The following CRHR1 variants were observed in gnomAD, a reference collection of about 807,000 sequenced individuals.
CRHR1 encodes corticotropin releasing hormone receptor 1.
CRHR1 carries 28 observed loss-of-function variants against 56.0 expected under a neutral mutation model. The observed-to-expected ratio is 0.50, with a 90% CI of 0.37 to 0.69. CRHR1 has a LOEUF of 0.69. CRHR1 is among the 30% of genes least tolerant of loss of function. CRHR1 has a pLI of 0.00. For missense variants in CRHR1, 376 were observed against 548.0 expected (o/e 0.69, Z 3.13); for synonymous variants, 195 against 216.5 (o/e 0.90, Z 0.87).
chr17:45,821,461 G>A (rs746955250), intron 4 of CRHR1, 21 bp downstream of exon 4: 1 of 1,608,382 alleles, frequency 6.2e-7, no homozygotes. Context: ...GCCGAACAAG[G>A]CTGCCCATAT....
In CRHR1 at chr17:45,821,336, C is replaced by T; in HGVS notation, c.242-19C>T. The T allele has an allele frequency of 1.2e-6, 2 of 1,612,356 alleles. No individual in the cohort carries two copies. The highest frequency in any genetic ancestry group is 1.7e-6 in the Non-Finnish European group (2 of 1,179,308). ...GCCGGGGCTGCCCCGCCATCACTGC[C>T]TCTCTCTTCCTTTTCCAGACAATGG... On this transcript the variant is annotated intron_variant, in intron 3 of 12. Transcript: ENST00000314537.
At chr17:45,801,470 C>A (rs900197416) in intron 1 of CRHR1, among the ~76,000 whole-genome samples, 7 of 152,188 alleles carry the variant, frequency 4.6e-5, no homozygotes, top group African/African-American at 1.7e-4. Flanking sequence ...TTACGCGATG[C>A]TATAATTGAG....
intron 8 of CRHR1, among the ~76,000 whole-genome samples, chr17:45,832,067 A>C (rs2062323974): frequency 1.3e-5 from 2 of 150,838 alleles, no homozygotes; most frequent in African/African-American, 4.8e-5. Context: ...CTAAAAAAAA[A>C]ACAAAAAAAC....
intron 4 of CRHR1, among the ~76,000 whole-genome samples, chr17:45,822,869 A>T (rs1379570235): frequency 6.7e-6 from 1 of 149,632 alleles, no homozygotes; most frequent in African/African-American, 2.5e-5. Context: ...AGTGGGGCCA[A>T]GTGCGGTGGC....
intron 1 of CRHR1, among the ~76,000 whole-genome samples, chr17:45,792,690 C>T (rs1285085229): frequency 6.6e-6 from 1 of 152,214 alleles, no homozygotes; most frequent in Non-Finnish European, 1.5e-5. Flanking sequence ...CTGGTTGTTC[C>T]TTTGTTCTCA....
At chr17:45,821,483 C>A in intron 4 of CRHR1, 43 bp downstream of exon 4, 2 of 1,559,170 alleles carry the variant, frequency 1.3e-6, no homozygotes, top group South Asian at 1.1e-5. Context: ...GAGGGGAGTC[C>A]AGGGTCCCCA....
At chr17:45,817,345 G>C (rs2061950465) in intron 3 of CRHR1, among the ~76,000 whole-genome samples, 1 of 152,128 alleles carries the variant, frequency 6.6e-6, no homozygotes, top group Non-Finnish European at 1.5e-5. Flanking sequence ...GAGGCTGGGG[G>C]CCTGATCCCT....
intron 4 of CRHR1, 101 bp downstream of exon 4, chr17:45,821,541 G>A (rs980590972): frequency 3.2e-5 from 36 of 1,107,908 alleles, no homozygotes; most frequent in Non-Finnish European, 4.4e-5. Context: ...AGAGGCTAAT[G>A]TCAAGGCCCT....
chr17:45,833,714 G>C lies in CRHR1; in HGVS notation c.930G>C (p.Arg310Ser), dbSNP rs1429429903. The change falls in exon 11 of 13, where the codon AGG becomes AGC. Residue 310 changes from arginine to serine, a missense_variant and splice_region_variant. By Grantham distance (110) the Arg-to-Ser change is moderately radical (BLOSUM62 -1). This residue lies in a region of CRHR1 where 369 missense variants were observed against 519.5 expected (regional missense o/e 0.71). Coordinates refer to ENST00000314537, the MANE Select transcript of CRHR1 (RefSeq NM_004382.5). ...ASTTSETIQY[R>S]KAVKATLVLL... ...AGCCTCCCCACCCGCCCCACCCCAGGAAGGCTGTGAAAGCCACTCTGGTGC... is the reference window on the plus strand; with the variant it reads ...AGCCTCCCCACCCGCCCCACCCCAGCAAGGCTGTGAAAGCCACTCTGGTGC... The C allele has an allele frequency of 3.8e-6, 2 of 524,878 alleles. No homozygotes were observed. Among genetic ancestry groups the C allele is most frequent in the South Asian group, 2.8e-5 (2 of 70,350 alleles). The allele number at this position is 524,878 out of a possible 1,614,324, so 32.5% of individuals were successfully genotyped here. A position where few individuals can be genotyped will look rare whatever the true frequency, so the allele number is the denominator to read the frequency against.
intron 1 of CRHR1, among the ~76,000 whole-genome samples, chr17:45,801,255 C>T (rs2061616208): frequency 6.6e-6 from 1 of 152,198 alleles, no homozygotes; most frequent in African/African-American, 2.4e-5. Flanking sequence ...TGACCTGCGC[C>T]TGGCCAGCCA....
chr17:45,815,344 C>A (rs948574358), intron 2 of CRHR1, among the ~76,000 whole-genome samples: 1 of 152,218 alleles, frequency 6.6e-6, no homozygotes, highest in Non-Finnish European at 1.5e-5. Flanking sequence ...AGCCCCCACC[C>A]TTTGGAGGCC....
chr17:45,806,010 C>T lies in CRHR1; in HGVS notation c.34-1000C>T, dbSNP rs114401940. Among the ~76,000 whole-genome samples, 791 of 152,332 alleles carry T rather than the reference C, an allele frequency of 5.2e-3. 7 individuals are homozygous for T. The highest frequency in any genetic ancestry group is 0.018 in the African/African-American group (740 of 41,572). On this transcript the variant is annotated intron_variant, in intron 1 of 12. Transcript: ENST00000314537. Reference sequence around the variant, plus strand: ...TTAAAGGACTTCAATATACATACATCATGTAAGCTTAAAGGGGGTGGGACA... The same window carrying T: ...TTAAAGGACTTCAATATACATACATTATGTAAGCTTAAAGGGGGTGGGACA...
chr17:45,803,808 G>GCA (rs1445431796), intron 1 of CRHR1, among the ~76,000 whole-genome samples: 7 of 152,144 alleles, frequency 4.6e-5, no homozygotes, highest in Non-Finnish European at 7.4e-5. Context: ...ATGTGTGTGT[G>GCA]TTGGGAGGTG....
chr17:45,793,241 C>A (rs2061458007), intron 1 of CRHR1, among the ~76,000 whole-genome samples: 1 of 152,268 alleles, frequency 6.6e-6, no homozygotes, highest in Non-Finnish European at 1.5e-5. Flanking sequence ...CCCCATAGCA[C>A]TGGGGGCGTT....
intron 1 of CRHR1, among the ~76,000 whole-genome samples, chr17:45,794,577 C>G (rs1170024911): frequency 6.6e-6 from 1 of 152,192 alleles, no homozygotes; most frequent in Non-Finnish European, 1.5e-5. Context: ...GAACCCTTGT[C>G]CAGGAGGAGG....
intron 6 of CRHR1, 64 bp downstream of exon 6, chr17:45,830,278 C>T: frequency 7.7e-7 from 1 of 1,297,738 alleles, no homozygotes; most frequent in South Asian, 1.2e-5. Flanking sequence ...AGGGGCCCGC[C>T]TGCCCTGCAG....
At chr17:45,790,783 G>T (rs959742622) in intron 1 of CRHR1, among the ~76,000 whole-genome samples, 10 of 152,336 alleles carry the variant, frequency 6.6e-5, no homozygotes, top group Admixed American at 2.0e-4. Flanking sequence ...AACCAGGGAG[G>T]CAGGGCTTGT....
At position 45,823,714 on chromosome 17, in the gene CRHR1, A is replaced by T. The variant is rs921077949; in HGVS notation, c.327+2274A>T. On this transcript the variant is annotated intron_variant, in intron 4 of 12. Transcript: ENST00000314537. ...CGTGAAACAAAGTTAACGGAGAAAG[A>T]ATCACTTTCCTTCACCTGTAGCTCC... 1.1e-4 allele frequency among the ~76,000 whole-genome samples: 17 copies of T among 152,200 alleles called. 1 individual carries two copies. Among genetic ancestry groups the T allele is most frequent in the South Asian group, 6.2e-4 (3 of 4,832 alleles).
intron 3 of CRHR1, among the ~76,000 whole-genome samples, chr17:45,821,129 C>T (rs866311894): frequency 1.3e-5 from 2 of 152,248 alleles, no homozygotes; most frequent in South Asian, 2.1e-4. Context: ...CTTGAGTGGG[C>T]AGAGCCGGGG....
Sources: allele counts gnomAD v4.1 joint callset (sites outside exome capture counted in the v4.1 genomes callset), GRCh38; gene constraint gnomAD v4.1.1; regional missense constraint gnomAD v4.1.1; transcripts MANE v1.5; gene names NCBI Gene and HGNC (gene_info 2026-07-23, HGNC 2026-07-21).